IMMP2L: variants seen among roughly 807,000 people sequenced by gnomAD.
The protein encoded by IMMP2L is mitochondrial inner membrane protease subunit 2.
IMMP2L carries 18 observed loss-of-function variants against 19.3 expected under a neutral mutation model. That is an observed-to-expected ratio of 0.93 (90% confidence interval 0.64 to 1.38). The LOEUF is 1.38. Ranked by LOEUF, IMMP2L falls within the 40% of genes most tolerant of loss-of-function variation. IMMP2L has a pLI of 0.00. For missense variants in IMMP2L, 233 were observed against 218.2 expected (o/e 1.07, Z -0.43); for synonymous variants, 76 against 73.0 (o/e 1.04, Z -0.21).
chr7:110,933,539 T>TA (rs2129552019), intron 4 of IMMP2L, among the ~76,000 whole-genome samples: 1 of 152,282 alleles, frequency 6.6e-6, no homozygotes, highest in African/African-American at 2.4e-5. Flanking sequence ...TTATAAAAGG[T>TA]ATGTGCTTTT....
intron 1 of IMMP2L, among the ~76,000 whole-genome samples, chr7:111,551,296 T>C (rs1361013247): frequency 6.6e-6 from 1 of 152,166 alleles, no homozygotes; most frequent in African/African-American, 2.4e-5. Flanking sequence ...TTATGATTTA[T>C]TGCCTGAAAG....
intron 1 of IMMP2L, among the ~76,000 whole-genome samples, chr7:111,532,862 C>T (rs1847531662): frequency 6.6e-6 from 1 of 152,036 alleles, no homozygotes; most frequent in South Asian, 2.1e-4. Context: ...ATGGGGAGTT[C>T]AAACAGCAAC....
At chr7:110,778,376 T>C (rs1460320316) in intron 5 of IMMP2L, among the ~76,000 whole-genome samples, 1 of 151,954 alleles carries the variant, frequency 6.6e-6, no homozygotes, top group African/African-American at 2.4e-5. Flanking sequence ...TTAGCATCTA[T>C]GTCATTATTG....
At chr7:110,845,996 A>T (rs112045740) in intron 5 of IMMP2L, among the ~76,000 whole-genome samples, 2,735 of 152,234 alleles carry the variant, frequency 0.018, 84 homozygotes, top group African/African-American at 0.063. Flanking sequence ...CAGCCTGCAC[A>T]ACTGTGGAGA....
intron 3 of IMMP2L, among the ~76,000 whole-genome samples, chr7:111,119,431 T>C (rs967656465): frequency 6.6e-6 from 1 of 152,194 alleles, no homozygotes; most frequent in African/African-American, 2.4e-5. Context: ...ACCCAGTAAT[T>C]GGCATGTAGA....
At chr7:111,008,579 G>GCA (rs140960249) in intron 3 of IMMP2L, among the ~76,000 whole-genome samples, 95 of 150,426 alleles carry the variant, frequency 6.3e-4, no homozygotes, top group Non-Finnish European at 5.0e-4. Context: ...CCACACACGT[G>GCA]CACACACACA....
At chr7:111,193,061 G>A (rs187185033) in intron 3 of IMMP2L, among the ~76,000 whole-genome samples, 1 of 152,226 alleles carries the variant, frequency 6.6e-6, no homozygotes, top group African/African-American at 2.4e-5. Context: ...TGCATAAATG[G>A]AGATATTGAG....
At chr7:110,937,365 G>C (rs1453590945) in intron 4 of IMMP2L, among the ~76,000 whole-genome samples, 1 of 152,130 alleles carries the variant, frequency 6.6e-6, no homozygotes, top group Non-Finnish European at 1.5e-5. Flanking sequence ...GTGGGCCACT[G>C]GGTTTATGTA....
chr7:111,173,872 T>C (rs1806732569), intron 3 of IMMP2L, among the ~76,000 whole-genome samples: 1 of 151,702 alleles, frequency 6.6e-6, no homozygotes, highest in African/African-American at 2.4e-5. Flanking sequence ...AGCAAATATC[T>C]GTCGTTCACT....
At chr7:110,753,179 A>G (rs1475219891) in intron 5 of IMMP2L, among the ~76,000 whole-genome samples, 2 of 152,074 alleles carry the variant, frequency 1.3e-5, no homozygotes, top group Non-Finnish European at 2.9e-5. Context: ...TTTGTAAATC[A>G]ACAATTAGTT....
At chr7:111,287,302 G>A (rs531513131) in intron 3 of IMMP2L, among the ~76,000 whole-genome samples, 14 of 152,148 alleles carry the variant, frequency 9.2e-5, no homozygotes, top group African/African-American at 2.6e-4. Flanking sequence ...ATCTCTAAAC[G>A]TACATATTCC....
intron 3 of IMMP2L, among the ~76,000 whole-genome samples, chr7:111,280,701 C>G (rs938354035): frequency 2.0e-5 from 3 of 152,018 alleles, no homozygotes; most frequent in African/African-American, 7.3e-5. Flanking sequence ...ACAAATTAGG[C>G]GCCTCTTACT....
intron 3 of IMMP2L, among the ~76,000 whole-genome samples, chr7:111,184,262 C>A (rs145367165): frequency 6.6e-6 from 1 of 151,714 alleles, no homozygotes; most frequent in Non-Finnish European, 1.5e-5. Flanking sequence ...AGTCAATAAG[C>A]AAATGTTATT....
At chr7:110,713,499 G>A (rs1795032261) in intron 5 of IMMP2L, among the ~76,000 whole-genome samples, 1 of 152,086 alleles carries the variant, frequency 6.6e-6, no homozygotes, top group South Asian at 2.1e-4. Context: ...AATTGCTTTG[G>A]GCAGTACGGT....
At chr7:110,819,424 T>A (rs1802833968) in intron 5 of IMMP2L, among the ~76,000 whole-genome samples, 1 of 152,034 alleles carries the variant, frequency 6.6e-6, no homozygotes, top group African/African-American at 2.4e-5. Context: ...TGCAGAAATG[T>A]CCCCATTTTG....
intron 4 of IMMP2L, among the ~76,000 whole-genome samples, chr7:110,954,115 A>G (rs926494668): frequency 1.3e-5 from 2 of 151,964 alleles, no homozygotes; most frequent in African/African-American, 4.8e-5. Flanking sequence ...TTTTCTTTTT[A>G]TGTTTTATGC....
At chr7:111,259,583 G>A (rs1817090168) in intron 3 of IMMP2L, among the ~76,000 whole-genome samples, 1 of 151,896 alleles carries the variant, frequency 6.6e-6, no homozygotes, top group Non-Finnish European at 1.5e-5. Flanking sequence ...GGATGCAGTG[G>A]GCTATAATGA....
At chr7:110,704,538 C>G (rs953603592) in intron 5 of IMMP2L, among the ~76,000 whole-genome samples, 1 of 152,196 alleles carries the variant, frequency 6.6e-6, no homozygotes, top group Non-Finnish European at 1.5e-5. Flanking sequence ...TGTGGCAGTG[C>G]TGCCTCAAAC....
intron 3 of IMMP2L, among the ~76,000 whole-genome samples, chr7:111,102,816 G>A (rs1375628274): frequency 6.6e-6 from 1 of 151,162 alleles, no homozygotes; most frequent in East Asian, 1.9e-4. Flanking sequence ...TCTTTGCTAG[G>A]GTCATAAAAG....
Sources: gnomAD v4.1 joint callset for allele counts (sites outside exome capture counted in the v4.1 genomes callset) on GRCh38, gnomAD v4.1.1 for gene constraint, MANE v1.5 for transcripts, NCBI Gene and HGNC (gene_info 2026-07-23, HGNC 2026-07-21) for gene names.